The following MPRIP variants were observed in gnomAD, a reference collection of about 807,000 sequenced individuals.
MPRIP encodes the protein myosin phosphatase Rho-interacting protein.
A neutral mutation model predicts 234.9 loss-of-function variants in MPRIP; 59 were observed. That is an observed-to-expected ratio of 0.25 (90% CI 0.20 to 0.31). The LOEUF is 0.31. Ranked by LOEUF, MPRIP falls within the 10% of genes least tolerant of loss-of-function variation. The pLI is 1.00. For synonymous variants in MPRIP, 1,144 were observed against 1,263.9 expected (o/e 0.91, Z 2.01); for missense variants, 2,436 against 3,071.0 (o/e 0.79, Z 4.89).
At position 17,164,907 on chromosome 17, in the gene MPRIP, G is replaced by A. The variant is rs2045950108; in HGVS notation, c.3316G>A (p.Glu1106Lys). 1.5e-6 allele frequency: 2 copies of A among 1,303,776 alleles called. No homozygotes were observed. The highest frequency in any genetic ancestry group is 2.0e-6 in the Non-Finnish European group (2 of 988,688). The allele number at this position is 1,303,776 out of a possible 1,614,324, so 80.8% of individuals were successfully genotyped here. Residue 1106 changes from glutamate to lysine, a missense_variant, in exon 16 of 24, where the codon GAG (glutamate) becomes AAG (lysine). Around this residue, in one of 4 missense-constraint regions of MPRIP, gnomAD observed 1,998 missense variants for 2,520.3 expected, o/e 0.79. Coordinates refer to ENST00000651222, the MANE Select transcript of MPRIP (RefSeq NM_001364716.4). ...AGAGCACGTGCAGAGCCTCTGTGAC[G>A]AGCGGGACCTCCTCAGACAGCGGTT... ...LAEHVQSLCD[E>K]RDLLRQRFQE...
At chr17:17,153,547 G>A (rs1179745344) in intron 12 of MPRIP, among the ~76,000 whole-genome samples, 1 of 151,462 alleles carries the variant, frequency 6.6e-6, no homozygotes, top group Non-Finnish European at 1.5e-5. Context: ...CTGCTGCCCC[G>A]TTCCTCGCCC....
At chr17:17,129,855 CAGA>C (rs2090562515) in intron 4 of MPRIP, among the ~76,000 whole-genome samples, 1 of 152,228 alleles carries the variant, frequency 6.6e-6, no homozygotes, top group Non-Finnish European at 1.5e-5. Flanking sequence ...TCAGAGTGGT[CAGA>C]AGAAGTGGCA....
chr17:17,132,800 G>A (rs369244931), intron 5 of MPRIP, among the ~76,000 whole-genome samples: 1 of 152,246 alleles, frequency 6.6e-6, no homozygotes. Context: ...AGGAGATGTC[G>A]CTAGCAAGAA....
chr17:17,085,547 T>G (rs2089569397), intron 3 of MPRIP, among the ~76,000 whole-genome samples: 1 of 152,220 alleles, frequency 6.6e-6, no homozygotes, highest in Non-Finnish European at 1.5e-5. Context: ...AGGTGCTGCT[T>G]TATTTGAAGT....
chr17:17,167,445 A>AT lies in MPRIP; in HGVS notation c.5856dup (p.Arg1953SerfsTer17). 7.7e-7 allele frequency: 1 copy of AT among 1,304,082 alleles called. No individual in the cohort carries two copies. 80.8% of individuals were successfully genotyped at this position (1,304,082 alleles called of 1,614,324 possible). On this transcript the variant is annotated frameshift_variant, in exon 16 of 24. Transcript: ENST00000651222. LOFTEE classifies it high-confidence loss of function. The surrounding 1 kb of genome is among the most constrained non-coding windows in gnomAD (Gnocchi z 5.9). Reference sequence around the variant, plus strand: ...CCTGCGGGGCAGGTATGAGGAGGAGATTCGGTGTGTGGTGGAGCAGCTGAC... The same window carrying AT: ...CCTGCGGGGCAGGTATGAGGAGGAGATTTCGGTGTGTGGTGGAGCAGCTGAC...
At chr17:17,125,760 C>T (rs116641372) in intron 3 of MPRIP, among the ~76,000 whole-genome samples, 2,072 of 152,260 alleles carry the variant, frequency 0.014, 36 homozygotes, top group African/African-American at 0.047. Flanking sequence ...GCAGGCCACC[C>T]CTCAGATGGA....
chr17:17,071,267 G>T (rs1036118294), intron 1 of MPRIP, among the ~76,000 whole-genome samples: 3 of 152,192 alleles, frequency 2.0e-5, no homozygotes, highest in African/African-American at 7.2e-5. Context: ...TTTCTGTCTT[G>T]TTGGGCTGCT....
intron 1 of MPRIP, among the ~76,000 whole-genome samples, 197 bp downstream of exon 1, chr17:17,043,168 T>A (rs1402884507): frequency 6.6e-6 from 1 of 152,082 alleles, no homozygotes; most frequent in Admixed American, 6.5e-5. Flanking sequence ...AAAAATAACA[T>A]CCTTTCCCGT....
rs1190413945 is a variant in MPRIP at position 17,186,727 on chromosome 17, A to G, written c.*1833A>G. 6.6e-6 allele frequency: 1 copy of G among 152,122 alleles called. No individual in the cohort carries two copies. Among genetic ancestry groups the G allele is most frequent in the Non-Finnish European group, 1.5e-5 (1 of 68,068 alleles). The allele number at this position is 152,122 out of a possible 1,614,324, so 9.4% of individuals were successfully genotyped here. On this transcript the variant is annotated 3_prime_UTR_variant, in exon 24 of 24. Transcript: ENST00000651222. ...AAGCAAGGCCCCATATCAGATATAG[A>G]TATACTTATCAGACCCCCCCTGACC...
intron 5 of MPRIP, among the ~76,000 whole-genome samples, chr17:17,133,273 AC>A (rs949879752): frequency 1.3e-5 from 2 of 151,792 alleles, no homozygotes; most frequent in African/African-American, 4.8e-5. Context: ...TCTCCTTTCT[AC>A]CCTTTGGTCC....
chr17:17,042,928 A>G lies in MPRIP; in HGVS notation c.80A>G (p.Lys27Arg). 2 of 1,611,126 alleles carry G rather than the reference A, an allele frequency of 1.2e-6. No individual in the cohort carries two copies. The highest frequency in any genetic ancestry group is 1.1e-5 in the South Asian group (1 of 90,998). The change falls in exon 1 of 24, where the codon AAG (lysine) becomes AGG (arginine). Residue 27 changes from lysine to arginine, a missense_variant. Physicochemically the swap from Lys to Arg is conservative, Grantham distance 26. Around this residue, in one of 4 missense-constraint regions of MPRIP, gnomAD observed 140 missense variants for 207.3 expected, o/e 0.68. Coordinates refer to ENST00000651222, the MANE Select transcript of MPRIP (RefSeq NM_001364716.4). ...FNKSKCQNCF[K>R]PRESHLLNDE... ...AAGAGCAAGTGTCAGAACTGCTTCA[A>G]GCCCCGCGAGTCGCATCTGCTCAAC...
chr17:17,069,668 G>C (rs1051787511), intron 1 of MPRIP, among the ~76,000 whole-genome samples: 2 of 151,772 alleles, frequency 1.3e-5, no homozygotes, highest in African/African-American at 4.8e-5. Flanking sequence ...CATTTTACCA[G>C]TTCAAGAGAG....
At chr17:17,066,465 C>T (rs1041370583) in intron 1 of MPRIP, among the ~76,000 whole-genome samples, 4 of 152,072 alleles carry the variant, frequency 2.6e-5, no homozygotes, top group Admixed American at 6.6e-5. Context: ...AATATTAAAC[C>T]GGCATCCCTG....
rs2045990427 is a variant in MPRIP at position 17,166,145 on chromosome 17, C to CTT, written c.4554_4555insTT (p.Leu1519PhefsTer39). The CTT allele has an allele frequency of 8.8e-5, 115 of 1,302,002 alleles. No homozygotes were observed. Among genetic ancestry groups the CTT allele is most frequent in the Non-Finnish European group, 1.1e-4 (113 of 987,732 alleles). The allele number at this position is 1,302,002 out of a possible 1,614,324, so 80.7% of individuals were successfully genotyped here. A position where few individuals can be genotyped will look rare whatever the true frequency, so the allele number is the denominator to read the frequency against. On this transcript the variant is annotated frameshift_variant, in exon 16 of 24. Coordinates refer to ENST00000651222, the MANE Select transcript of MPRIP (RefSeq NM_001364716.4). LOFTEE classifies it high-confidence loss of function. The surrounding 1 kb of genome is among the most constrained non-coding windows in gnomAD (Gnocchi z 4.4). ...GTGCACTCGTCAGCGCCATCCAAGC[C>CTT]CTGCAGCACTGGCCGGCCCCAGCCC...
chr17:17,144,265 A>C (rs1181008111), intron 9 of MPRIP, among the ~76,000 whole-genome samples: 1 of 152,200 alleles, frequency 6.6e-6, no homozygotes, highest in Non-Finnish European at 1.5e-5. Context: ...TGCTGCCTGC[A>C]CAGCAGCTCA....
chr17:17,144,043 G>A (rs912912407), intron 9 of MPRIP, among the ~76,000 whole-genome samples: 1 of 152,230 alleles, frequency 6.6e-6, no homozygotes, highest in Non-Finnish European at 1.5e-5. Flanking sequence ...TCTTGCTGGA[G>A]CTTGTCTCGT....
chr17:17,166,840 TAGG>T lies in MPRIP; in HGVS notation c.5252_5254del (p.Gly1751del), dbSNP rs1227303398. The T allele has an allele frequency of 1.5e-6, 2 of 1,304,148 alleles. No individual in the cohort carries two copies. The highest frequency in any genetic ancestry group is 2.0e-6 in the Non-Finnish European group (2 of 988,948). 80.8% of individuals were successfully genotyped at this position (1,304,148 alleles called of 1,614,324 possible). On this transcript the variant is annotated inframe_deletion, in exon 16 of 24. Coordinates refer to ENST00000651222, the MANE Select transcript of MPRIP (RefSeq NM_001364716.4). This position sits in a 1 kb window ranked among gnomAD's most constrained non-coding sequence, Gnocchi z 4.4. ...CAGCTGTCCTGGGACCTGAGCCCCT[TAGG>T]AGAAGTCCTGGGCCGAGACTCAGAC...
intron 3 of MPRIP, among the ~76,000 whole-genome samples, chr17:17,116,380 G>C (rs1465634684): frequency 6.6e-6 from 1 of 152,208 alleles, no homozygotes; most frequent in Non-Finnish European, 1.5e-5. Context: ...GGTCTCCCAG[G>C]CCAGCAAGTA....
At chr17:17,181,229 G>C (rs1194468576) in intron 23 of MPRIP, among the ~76,000 whole-genome samples, 2 of 152,066 alleles carry the variant, frequency 1.3e-5, no homozygotes, top group Non-Finnish European at 2.9e-5. Flanking sequence ...CTTCTCACTA[G>C]GTGCCATTGA....
Sources: gnomAD v4.1 joint callset for allele counts (sites outside exome capture counted in the v4.1 genomes callset) on GRCh38, gnomAD v4.1.1 for gene constraint, gnomAD v4.1.1 regional missense constraint, Gnocchi (gnomAD v3.1) non-coding constraint, MANE v1.5 for transcripts, NCBI Gene and HGNC (gene_info 2026-07-23, HGNC 2026-07-21) for gene names.